Variants in NFYC observed in about 807,000 individuals in gnomAD.
NFYC encodes CAAT box DNA-binding protein subunit C.
A neutral mutation model predicts 53.1 loss-of-function variants in NFYC; 25 were observed. That is an observed-to-expected ratio of 0.47 (90% CI 0.34 to 0.66). NFYC has a LOEUF of 0.66. NFYC is among the 30% of genes least tolerant of loss of function. The probability of loss-of-function intolerance (pLI) is 0.01; values close to 1 mark genes in which losing one functional copy is unlikely to be tolerated. For missense variants in NFYC, 260 were observed against 422.7 expected, an observed-to-expected ratio of 0.62 and a Z score of 3.38; for synonymous variants, 145 against 152.6, an observed-to-expected ratio of 0.95 and a Z score of 0.37.
intron 1 of NFYC, among the ~76,000 whole-genome samples, chr1:40,731,609 T>C (rs1178464200): frequency 2.0e-5 from 3 of 152,018 alleles, no homozygotes; most frequent in Non-Finnish European, 4.4e-5. Context: ...CTCAGCCTCC[T>C]GAGTAGCTGG....
At chr1:40,739,922 G>A (rs1570562936) in intron 2 of NFYC, among the ~76,000 whole-genome samples, 1 of 152,312 alleles carries the variant, frequency 6.6e-6, no homozygotes, top group Non-Finnish European at 1.5e-5. Flanking sequence ...AGAGGACCTT[G>A]TAGTTAGGGG....
chr1:40,710,205 C>T (rs577438814), intron 1 of NFYC, among the ~76,000 whole-genome samples: 11 of 152,288 alleles, frequency 7.2e-5, no homozygotes, highest in African/African-American at 2.6e-4. Context: ...CACATTTTAG[C>T]TTAGAATGCT....
chr1:40,767,562 C>A (rs1646881026), intron 8 of NFYC, among the ~76,000 whole-genome samples: 1 of 152,194 alleles, frequency 6.6e-6, no homozygotes. Context: ...GTAGCTGATA[C>A]TGACTCACAC....
intron 1 of NFYC, among the ~76,000 whole-genome samples, chr1:40,726,193 C>T (rs1644511352): frequency 6.6e-6 from 1 of 152,040 alleles, no homozygotes; most frequent in South Asian, 2.1e-4. Context: ...TCTCAGCTCA[C>T]TGCAACCTCT....
At chr1:40,722,373 A>G (rs1213656606) in intron 1 of NFYC, among the ~76,000 whole-genome samples, 1 of 152,184 alleles carries the variant, frequency 6.6e-6, no homozygotes, top group Non-Finnish European at 1.5e-5. Context: ...AAGGGCTTAA[A>G]AATTATTTCA....
At chr1:40,753,540 C>G (rs1474281417) in intron 5 of NFYC, among the ~76,000 whole-genome samples, 1 of 152,236 alleles carries the variant, frequency 6.6e-6, no homozygotes, top group Non-Finnish European at 1.5e-5. Flanking sequence ...CAGAGCTCTT[C>G]ATCTGGGATA....
At chr1:40,754,851 A>G (rs1178693456) in intron 5 of NFYC, among the ~76,000 whole-genome samples, 1 of 152,106 alleles carries the variant, frequency 6.6e-6, no homozygotes, top group East Asian at 1.9e-4. Context: ...GCCAGACTCA[A>G]AATGCTATGA....
At chr1:40,756,040 A>AT (rs1646200008) in intron 5 of NFYC, among the ~76,000 whole-genome samples, 1 of 152,162 alleles carries the variant, frequency 6.6e-6, no homozygotes, top group African/African-American at 2.4e-5. Flanking sequence ...TGAGGCTCTC[A>AT]TTCCTGTATA....
chr1:40,757,542 C>T (rs1418076459), intron 5 of NFYC, among the ~76,000 whole-genome samples: 1 of 152,212 alleles, frequency 6.6e-6, no homozygotes, highest in Non-Finnish European at 1.5e-5. Flanking sequence ...TAGACATGCC[C>T]TCAGTGACCA....
intron 1 of NFYC, chr1:40,712,565 T>G (rs1034150155): frequency 1.3e-5 from 2 of 152,126 alleles, no homozygotes; most frequent in Non-Finnish European, 2.9e-5. Context: ...CATTTTTTTT[T>G]TTGTTTGCTT....
At chr1:40,760,325 G>A (rs1646473299) in intron 6 of NFYC, among the ~76,000 whole-genome samples, 3 of 152,174 alleles carry the variant, frequency 2.0e-5, no homozygotes, top group Admixed American at 2.0e-4. Flanking sequence ...CCATCACTTT[G>A]GGAGGCCAAA....
At chr1:40,704,239 T>A (rs1047882803) in intron 1 of NFYC, among the ~76,000 whole-genome samples, 14 of 152,138 alleles carry the variant, frequency 9.2e-5, no homozygotes, top group Non-Finnish European at 4.4e-5. Flanking sequence ...GCCCGGCTAA[T>A]TTTTTGTATT....
At chr1:40,744,462 C>T (rs1161578762) in intron 2 of NFYC, among the ~76,000 whole-genome samples, 1 of 152,172 alleles carries the variant, frequency 6.6e-6, no homozygotes, top group Non-Finnish European at 1.5e-5. Flanking sequence ...CTGGGTAGGC[C>T]TGGAAAAGGT....
At chr1:40,725,725 A>G (rs1411210188) in intron 1 of NFYC, among the ~76,000 whole-genome samples, 1 of 152,220 alleles carries the variant, frequency 6.6e-6, no homozygotes, top group Non-Finnish European at 1.5e-5. Flanking sequence ...AAATGAAGAA[A>G]CCTAGAACTA....
chr1:40,734,150 G>A (rs1372470076), intron 1 of NFYC, among the ~76,000 whole-genome samples: 2 of 151,922 alleles, frequency 1.3e-5, no homozygotes, highest in African/African-American at 4.8e-5. Context: ...GGAGTTGTTG[G>A]GATTACAGAC....
intron 1 of NFYC, among the ~76,000 whole-genome samples, chr1:40,717,645 C>T (rs1644186988): frequency 6.6e-6 from 1 of 152,150 alleles, no homozygotes; most frequent in South Asian, 2.1e-4. Context: ...ATCTGGTGAC[C>T]TTCACTTGCT....
At chr1:40,731,917 A>C (rs928685414) in intron 1 of NFYC, among the ~76,000 whole-genome samples, 2 of 152,224 alleles carry the variant, frequency 1.3e-5, no homozygotes, top group African/African-American at 4.8e-5. Context: ...ATGGAATAGG[A>C]ACTAACTCTT....
rs1442446903 is a variant in NFYC, at chr1:40,711,190, A to G, written c.-9+19323A>G. Among the ~76,000 whole-genome samples the G allele has an allele frequency of 2.6e-5, 4 of 152,170 alleles. No homozygotes were observed. In the South Asian group the frequency reaches 8.3e-4, roughly 31 times the overall value. On this transcript the variant is annotated intron_variant, in intron 1 of 9. Transcript: ENST00000447388. ...GTTCTTAGTGAAGGGGATAGATAGT[A>G]TTTTAGGAGTTCAGAGTAGTTGTAT...
intron 1 of NFYC, among the ~76,000 whole-genome samples, chr1:40,709,785 TTTCTTTCCTAGTTGG>T (rs1643876307): frequency 6.6e-6 from 1 of 152,230 alleles, no homozygotes; most frequent in Non-Finnish European, 1.5e-5. Context: ...TCAACTAGGA[TTTCTTTCCTAGTTGG>T]GTATCGACAA....
Sources: allele counts gnomAD v4.1 joint callset (sites outside exome capture counted in the v4.1 genomes callset), GRCh38; gene constraint gnomAD v4.1.1; transcripts MANE v1.5; gene names NCBI Gene and HGNC (gene_info 2026-07-23, HGNC 2026-07-21).